The following RADIL variants were observed in gnomAD, a reference collection of about 807,000 sequenced individuals.
RADIL encodes the protein Rap associating with DIL domain.
In RADIL, 99 loss-of-function variants were observed where a neutral mutation model predicts 97.6. The observed-to-expected ratio is 1.01, with a 90% CI of 0.86 to 1.20. The LOEUF is 1.20. Ranked by LOEUF, RADIL falls within the 50% of genes most tolerant of loss-of-function variation. The pLI is 0.00. For synonymous variants in RADIL, 803 were observed against 691.8 expected, an observed-to-expected ratio of 1.16 and a Z score of -2.52; for missense variants, 1,765 against 1,498.9, an observed-to-expected ratio of 1.18 and a Z score of -2.93.
rs1305365391 is a variant in RADIL at position 4,851,790 on chromosome 7, C to T, written c.536-15185G>A. Among the ~76,000 whole-genome samples, 8 of 152,258 alleles carry T rather than the reference C, an allele frequency of 5.3e-5. No individual in the cohort carries two copies. In the East Asian group the frequency reaches 5.8e-4, roughly 11 times the overall value. The stretch of plus-strand genomic sequence containing the variant: ...CCAGGACTGGACAAGTTTGAAAATG[C>T]GCAGCCTTCCCAGATGACAAGAGAT... On this transcript the variant is annotated intron_variant, in intron 2 of 14. Transcript: ENST00000399583.
At position 4,799,255 on chromosome 7, in the gene RADIL, G is replaced by A. The variant is rs1436458142; in HGVS notation, c.*123C>T. On this transcript the variant is annotated 3_prime_UTR_variant, in exon 15 of 15. Coordinates refer to ENST00000399583, the MANE Select transcript of RADIL (RefSeq NM_018059.5). ...ATGTTATCAACAGGCATGTCCCCAG[G>A]GTGAGGCTCCCCACCCGGGACCCAA... 2.5e-6 allele frequency: 2 copies of A among 804,654 alleles called. No homozygotes were observed. Among genetic ancestry groups the A allele is most frequent in the Non-Finnish European group, 4.1e-6 (2 of 488,692 alleles). 49.8% of individuals were successfully genotyped at this position (804,654 alleles called of 1,614,324 possible). A position where few individuals can be genotyped will look rare whatever the true frequency, so the allele number is the denominator to read the frequency against.
At chr7:4,839,241 C>T (rs1460801568) in intron 2 of RADIL, among the ~76,000 whole-genome samples, 1 of 152,054 alleles carries the variant, frequency 6.6e-6, no homozygotes, top group Non-Finnish European at 1.5e-5. Flanking sequence ...TATTTTTTAC[C>T]CCAAAGTCAT....
intron 13 of RADIL, 75 bp from the exon 14 acceptor site, chr7:4,799,844 C>G: frequency 7.0e-7 from 1 of 1,434,542 alleles, no homozygotes; most frequent in Non-Finnish European, 9.1e-7. Context: ...GCAGCCCCTC[C>G]CTTGGCACCT....
In RADIL at chr7:4,840,009, A is replaced by C. The variant is rs1783401849; in HGVS notation, c.536-3404T>G. 6.6e-6 allele frequency among the ~76,000 whole-genome samples: 1 copy of C among 152,180 alleles called. No homozygotes were observed. Among genetic ancestry groups the C allele is most frequent in the Non-Finnish European group, 1.5e-5 (1 of 68,028 alleles). On this transcript the variant is annotated intron_variant, in intron 2 of 14. Coordinates refer to ENST00000399583, the MANE Select transcript of RADIL (RefSeq NM_018059.5). This position sits in a 1 kb window ranked among gnomAD's most constrained non-coding sequence, Gnocchi z 5.6. ...AGTGATCCGCCCACCTCGGCCTCCC[A>C]AAGTGTTGGAATTACAGGCGTGAGC...
At chr7:4,807,686 T>C (rs535292507) in intron 9 of RADIL, among the ~76,000 whole-genome samples, 198 of 60,986 alleles carry the variant, frequency 3.2e-3, no homozygotes, top group Admixed American at 5.7e-3. Context: ...CCTCTCCTTC[T>C]CTCCATCTCT....
In RADIL at chr7:4,840,294, C is replaced by T. The variant is rs1156501136; in HGVS notation, c.536-3689G>A. 2.0e-5 allele frequency among the ~76,000 whole-genome samples: 3 copies of T among 152,150 alleles called. No individual in the cohort carries two copies. The highest frequency in any genetic ancestry group is 7.2e-5 in the African/African-American group (3 of 41,440). Reference sequence around the variant, plus strand: ...AGCTTCGTCACCTGAGTCACCTGAGCGTCTCAGCTCTGTGCAGACCCAGGG... The same window carrying T: ...AGCTTCGTCACCTGAGTCACCTGAGTGTCTCAGCTCTGTGCAGACCCAGGG... On this transcript the variant is annotated intron_variant, in intron 2 of 14. Coordinates refer to ENST00000399583, the MANE Select transcript of RADIL (RefSeq NM_018059.5). This position sits in a 1 kb window ranked among gnomAD's most constrained non-coding sequence, Gnocchi z 5.6.
In RADIL at chr7:4,819,263, G is replaced by C. The variant is rs1256493624; in HGVS notation, c.1616-1912C>G. Among the ~76,000 whole-genome samples the C allele has an allele frequency of 2.0e-5, 3 of 151,796 alleles. No homozygotes were observed. The highest frequency in any genetic ancestry group is 4.2e-4 in the South Asian group (2 of 4,806). The stretch of plus-strand genomic sequence containing the variant: ...ATTTTTGTATTTTTAGTAGAGACGG[G>C]GTTTCACCATGTTGGCCAGGCTGGT... On this transcript the variant is annotated intron_variant, in intron 6 of 14. Transcript: ENST00000399583. This position sits in a 1 kb window ranked among gnomAD's most constrained non-coding sequence, Gnocchi z 5.8.
intron 2 of RADIL, among the ~76,000 whole-genome samples, chr7:4,852,564 T>C (rs1783733871): frequency 6.6e-6 from 1 of 152,226 alleles, no homozygotes; most frequent in Admixed American, 6.5e-5. Context: ...TCCTCCCATC[T>C]AAGCCTCCTG....
Position 4,800,224 on chromosome 7 carries a change from C to T in RADIL, c.2929G>A (p.Val977Met). ...STEDFCYVFTVELERGPSGLG... is the reference protein window; with the variant it reads ...STEDFCYVFTMELERGPSGLG... The stretch of plus-strand genomic sequence containing the variant: ...CCGGAGGGGCCTCGTTCCAGCTCCA[C>T]CGTGAAGACGTAGCAGAAGTCCTCG... Residue 977 changes from valine to methionine, a missense_variant, in exon 13 of 15, where the codon GTG (valine) becomes ATG (methionine). By Grantham distance (21) the Val-to-Met change is conservative. Coordinates refer to ENST00000399583, the MANE Select transcript of RADIL (RefSeq NM_018059.5). 1 of 1,605,194 alleles carries T rather than the reference C, an allele frequency of 6.2e-7. No individual in the cohort carries two copies. Among genetic ancestry groups the T allele is most frequent in the South Asian group, 1.1e-5 (1 of 89,968 alleles).
intron 2 of RADIL, chr7:4,862,121 CG>C (rs200752176): frequency 0.011 from 3,690 of 323,026 alleles, 42 homozygotes; most frequent in Middle Eastern, 0.017. Flanking sequence ...TACCGCTGCG[CG>C]GGGGGCTATA....
At chr7:4,875,500 G>A (rs1434772533) in intron 2 of RADIL, among the ~76,000 whole-genome samples, 2 of 152,104 alleles carry the variant, frequency 1.3e-5, no homozygotes, top group Non-Finnish European at 2.9e-5. Flanking sequence ...CTGTGAAGAC[G>A]GCGGGCCTTC....
intron 2 of RADIL, among the ~76,000 whole-genome samples, chr7:4,838,655 C>A (rs1312895534): frequency 6.6e-6 from 1 of 152,210 alleles, no homozygotes; most frequent in Non-Finnish European, 1.5e-5. Flanking sequence ...CTTCCTGGTG[C>A]TGGGTAGGCC....
intron 11 of RADIL, 144 bp from the exon 12 acceptor site, chr7:4,802,139 G>C: frequency 1.5e-6 from 1 of 678,240 alleles, no homozygotes. Flanking sequence ...TGCAGCTTGA[G>C]ACGCGCAAGA....
At chr7:4,823,622 G>C (rs2115201634) in intron 5 of RADIL, among the ~76,000 whole-genome samples, 1 of 152,286 alleles carries the variant, frequency 6.6e-6, no homozygotes, top group Non-Finnish European at 1.5e-5. Flanking sequence ...TCCCTTTTCA[G>C]GGGATGACGG....
At chr7:4,857,193 C>A (rs1413878203) in intron 2 of RADIL, among the ~76,000 whole-genome samples, 2 of 152,200 alleles carry the variant, frequency 1.3e-5, no homozygotes, top group East Asian at 3.8e-4. Flanking sequence ...GTTCCTGATG[C>A]TGTAGGACTT....
In RADIL at chr7:4,878,217, TGA is replaced by T. The variant is rs1254333671; in HGVS notation, c.-64-16_-64-15del. 23 of 1,399,952 alleles carry T rather than the reference TGA, an allele frequency of 1.6e-5. No homozygotes were observed. Among genetic ancestry groups the T allele is most frequent in the Non-Finnish European group, 2.2e-5 (23 of 1,060,090 alleles). 86.7% of individuals were successfully genotyped at this position (1,399,952 alleles called of 1,614,324 possible). A position where few individuals can be genotyped will look rare whatever the true frequency, so the allele number is the denominator to read the frequency against. ...GGAGGCCGTGACCTGGGTGAAAAAG[TGA>T]GAGAGGTTAGCGCCAACCATCGTGA... On this transcript the variant is annotated splice_polypyrimidine_tract_variant and intron_variant, in intron 1 of 14. Coordinates refer to ENST00000399583, the MANE Select transcript of RADIL (RefSeq NM_018059.5). This position sits in a 1 kb window ranked among gnomAD's most constrained non-coding sequence, Gnocchi z 4.1.
At chr7:4,881,101 TAAAAAAA>T (rs58900044) in intron 1 of RADIL, among the ~76,000 whole-genome samples, 7 of 55,174 alleles carry the variant, frequency 1.3e-4, no homozygotes, top group African/African-American at 2.4e-4. Context: ...CCCTCTCTGT[TAAAAAAA>T]AAAAAAAAAA....
chr7:4,834,493 C>T lies in RADIL; in HGVS notation c.1416+114G>A. 1 of 1,174,492 alleles carries T rather than the reference C, an allele frequency of 8.5e-7. No homozygotes were observed. Among genetic ancestry groups the T allele is most frequent in the Non-Finnish European group, 1.1e-6 (1 of 934,182 alleles). The allele number at this position is 1,174,492 out of a possible 1,614,324, so 72.8% of individuals were successfully genotyped here. ...AAAGGCCGCCCTGCGCTCAGCAGCA[C>T]AGCACCGTGGGGGTCAGATAGAGGC... On this transcript the variant is annotated intron_variant, in intron 4 of 14. Transcript: ENST00000399583. The surrounding 1 kb of genome is among the most constrained non-coding windows in gnomAD (Gnocchi z 6.0).
Position 4,835,240 on chromosome 7 carries a change from C to T in RADIL, c.784-1G>A. On this transcript the variant is annotated splice_acceptor_variant, in intron 3 of 14. Coordinates refer to ENST00000399583, the MANE Select transcript of RADIL (RefSeq NM_018059.5). LOFTEE classifies it high-confidence loss of function. The surrounding 1 kb of genome is among the most constrained non-coding windows in gnomAD (Gnocchi z 5.8). ...GGTTGAGCACATACACCAGGCTGTC[C>T]TGAAACAGAGACTCCGCTCAGGGCA... The T allele has an allele frequency of 6.2e-7, 1 of 1,608,418 alleles. No homozygotes were observed. Among genetic ancestry groups the T allele is most frequent in the South Asian group, 1.1e-5 (1 of 90,962 alleles).
Sources: allele counts gnomAD v4.1 joint callset (sites outside exome capture counted in the v4.1 genomes callset), GRCh38; gene constraint gnomAD v4.1.1; non-coding constraint Gnocchi (gnomAD v3.1); transcripts MANE v1.5; gene names NCBI Gene and HGNC (gene_info 2026-07-23, HGNC 2026-07-21).